The following SHISA6 variants were observed in gnomAD, a reference collection of about 807,000 sequenced individuals.
SHISA6 encodes the protein protein shisa-6.
SHISA6 carries 22 observed loss-of-function variants against 47.9 expected under a neutral mutation model. The observed-to-expected ratio is 0.46, with a 90% confidence interval of 0.33 to 0.66. SHISA6 has a LOEUF of 0.66. SHISA6 is among the 30% of genes least tolerant of loss of function. The probability of loss-of-function intolerance (pLI) is 0.02; values close to 1 mark genes in which losing one functional copy is unlikely to be tolerated. For missense variants in SHISA6, 680 were observed against 764.6 expected, an observed-to-expected ratio of 0.89 and a Z score of 1.30; for synonymous variants, 388 against 337.8, an observed-to-expected ratio of 1.15 and a Z score of -1.63.
At chr17:11,299,131 T>C (rs1054015006) in intron 2 of SHISA6, among the ~76,000 whole-genome samples, 1 of 152,210 alleles carries the variant, frequency 6.6e-6, no homozygotes, top group Non-Finnish European at 1.5e-5. Flanking sequence ...TAATAAAGCA[T>C]TAGGATGGAC....
intron 1 of SHISA6, among the ~76,000 whole-genome samples, chr17:11,259,368 C>G (rs140721103): frequency 6.6e-6 from 1 of 152,198 alleles, no homozygotes; most frequent in Non-Finnish European, 1.5e-5. Flanking sequence ...CTTGTAAGAG[C>G]ATTCTGAGAA....
At chr17:11,295,247 A>T (rs1235610554) in intron 2 of SHISA6, among the ~76,000 whole-genome samples, 2 of 152,244 alleles carry the variant, frequency 1.3e-5, no homozygotes, top group South Asian at 2.1e-4. Context: ...CTACCATATC[A>T]GTCTTCTCTT....
At chr17:11,408,423 T>C (rs1344222032) in intron 3 of SHISA6, among the ~76,000 whole-genome samples, 2 of 152,160 alleles carry the variant, frequency 1.3e-5, no homozygotes, top group Admixed American at 6.5e-5. Context: ...TAATATGCCC[T>C]CCAGGTGATT....
At chr17:11,281,871 T>A (rs1909131498) in intron 2 of SHISA6, among the ~76,000 whole-genome samples, 1 of 152,210 alleles carries the variant, frequency 6.6e-6, no homozygotes, top group African/African-American at 2.4e-5. Context: ...CTTGAAAACA[T>A]CACTGATCCT....
chr17:11,354,437 C>A (rs1268276169), intron 2 of SHISA6, among the ~76,000 whole-genome samples: 1 of 152,184 alleles, frequency 6.6e-6, no homozygotes, highest in Non-Finnish European at 1.5e-5. Flanking sequence ...GGGATGCTAC[C>A]AGGGCCTCCC....
chr17:11,524,904 T>C (rs571917806), intron 3 of SHISA6, among the ~76,000 whole-genome samples: 7 of 152,290 alleles, frequency 4.6e-5, no homozygotes, highest in Admixed American at 1.3e-4. Context: ...CAGTTAGAGA[T>C]TATCTCGCTG....
intron 2 of SHISA6, among the ~76,000 whole-genome samples, chr17:11,311,298 A>AC (rs765157168): frequency 0.17 from 21,978 of 132,950 alleles, 2,824 homozygotes; most frequent in South Asian, 0.37. Flanking sequence ...AAAAAAAAAA[A>AC]AACCGACAAA....
At chr17:11,508,818 G>T (rs1270402442) in intron 3 of SHISA6, among the ~76,000 whole-genome samples, 1 of 138,364 alleles carries the variant, frequency 7.2e-6, no homozygotes, top group Non-Finnish European at 1.6e-5. Flanking sequence ...GACAAGTATG[G>T]TCCCTCTGTC....
chr17:11,398,624 C>T (rs1005285801), intron 3 of SHISA6, among the ~76,000 whole-genome samples: 5 of 151,764 alleles, frequency 3.3e-5, no homozygotes, highest in African/African-American at 4.8e-5. Context: ...GACAGACTCT[C>T]GCTCTGTTGC....
At chr17:11,536,323 G>C (rs1191135132) in intron 3 of SHISA6, among the ~76,000 whole-genome samples, 1 of 152,144 alleles carries the variant, frequency 6.6e-6, no homozygotes, top group Non-Finnish European at 1.5e-5. Context: ...TGCAGGGGGA[G>C]CTATGATAGT....
At chr17:11,504,792 C>G (rs74931785) in intron 3 of SHISA6, among the ~76,000 whole-genome samples, 3 of 152,266 alleles carry the variant, frequency 2.0e-5, no homozygotes, top group East Asian at 3.9e-4. Flanking sequence ...TTCTAAGGAG[C>G]TGGAGATGTT....
intron 2 of SHISA6, among the ~76,000 whole-genome samples, chr17:11,294,822 A>G (rs569399915): frequency 2.6e-5 from 4 of 152,168 alleles, no homozygotes; most frequent in African/African-American, 4.8e-5. Flanking sequence ...ACCTCAGCCT[A>G]TAAGTCTTTT....
chr17:11,300,668 T>A (rs1909894021), intron 2 of SHISA6, among the ~76,000 whole-genome samples: 1 of 151,444 alleles, frequency 6.6e-6, no homozygotes, highest in Non-Finnish European at 1.5e-5. Flanking sequence ...TTTTTCTTTT[T>A]CTTTTTTTTT....
chr17:11,540,936 A>T (rs1191488621), intron 3 of SHISA6, among the ~76,000 whole-genome samples: 1 of 152,212 alleles, frequency 6.6e-6, no homozygotes, highest in Admixed American at 6.5e-5. Flanking sequence ...CGGAGCACAG[A>T]GAGACTTTGT....
chr17:11,459,200 C>T (rs1352965980), intron 3 of SHISA6, among the ~76,000 whole-genome samples: 1 of 136,476 alleles, frequency 7.3e-6, no homozygotes, highest in Non-Finnish European at 1.5e-5. Context: ...GCCCGGGCGA[C>T]AGAGCGAGAC....
In SHISA6 at chr17:11,448,415, C is replaced by G. The variant is rs142538150; in HGVS notation, c.895+68906C>G. Among the ~76,000 whole-genome samples, 1,271 of 151,612 alleles carry G rather than the reference C, an allele frequency of 8.4e-3. 30 individuals carry two copies. Among genetic ancestry groups the G allele is most frequent in the African/African-American group, 0.029 (1,180 of 41,278 alleles). ...TGGTGGTGGCATGCATGCCTGTAGT[C>G]CAAGCTATCAGGAGGCCGAAGTGGG... On this transcript the variant is annotated intron_variant, in intron 3 of 5. Transcript: ENST00000441885.
chr17:11,518,146 G>A (rs1169044757), intron 3 of SHISA6, among the ~76,000 whole-genome samples: 2 of 152,094 alleles, frequency 1.3e-5, no homozygotes, highest in Non-Finnish European at 2.9e-5. Context: ...AGATTTCCTG[G>A]TCTCAGGTCC....
intron 2 of SHISA6, among the ~76,000 whole-genome samples, chr17:11,286,226 A>G (rs988638899): frequency 6.6e-6 from 1 of 152,104 alleles, no homozygotes; most frequent in Non-Finnish European, 1.5e-5. Flanking sequence ...AGACCAGACC[A>G]TATGAGGGAC....
intron 3 of SHISA6, among the ~76,000 whole-genome samples, chr17:11,488,687 C>T (rs558928666): frequency 1.3e-5 from 2 of 152,274 alleles, no homozygotes; most frequent in East Asian, 3.9e-4. Context: ...TCCATCTTTC[C>T]AAATCAGCAA....
Sources: gnomAD v4.1 joint callset for allele counts (sites outside exome capture counted in the v4.1 genomes callset) on GRCh38, gnomAD v4.1.1 for gene constraint, MANE v1.5 for transcripts, NCBI Gene and HGNC (gene_info 2026-07-23, HGNC 2026-07-21) for gene names.